Variants in KCNH8 observed in about 807,000 individuals in gnomAD.
KCNH8 encodes voltage-gated delayed rectifier potassium channel KCNH8.
Under a neutral mutation model 103.6 loss-of-function variants are expected in KCNH8, and 70 were observed. That is an observed-to-expected ratio of 0.68 (90% CI 0.56 to 0.82). The LOEUF (loss-of-function observed/expected upper bound fraction) is 0.82, where lower values mean the gene tolerates loss of function less well. Among genes scored for constraint, KCNH8 ranks in the 40% least tolerant of loss-of-function variants. The pLI, the probability that KCNH8 is intolerant of heterozygous loss-of-function variation, is 0.00. For missense variants in KCNH8, 1,217 were observed against 1,329.9 expected (o/e 0.92, Z 1.32); for synonymous variants, 498 against 489.4 (o/e 1.02, Z -0.23).
chr3:19,485,672 G>A (rs1054532371), intron 11 of KCNH8, among the ~76,000 whole-genome samples: 7 of 152,156 alleles, frequency 4.6e-5, no homozygotes, highest in Non-Finnish European at 1.0e-4. Context: ...GTAGGTACCA[G>A]GTCAGGTGTT....
At chr3:19,274,885 C>T (rs1451499631) in intron 2 of KCNH8, among the ~76,000 whole-genome samples, 1 of 110,234 alleles carries the variant, frequency 9.1e-6, no homozygotes. Context: ...CCACCCCTCC[C>T]CTCCCCTTCC....
In KCNH8 at chr3:19,422,782, G is replaced by A. The variant is rs113198925; in HGVS notation, c.1178-15382G>A. ...TAATCCCTATGTTCACAAAGCAGTC[G>A]GCCTAGTATTACCTATAGGCAGATA... On this transcript the variant is annotated intron_variant, in intron 7 of 15. Coordinates refer to ENST00000328405, the MANE Select transcript of KCNH8 (RefSeq NM_144633.3). 7.6e-4 allele frequency among the ~76,000 whole-genome samples: 115 copies of A among 152,108 alleles called. 2 individuals are homozygous for A. The highest frequency in any genetic ancestry group is 2.5e-3 in the African/African-American group (105 of 41,524).
At position 19,498,461 on chromosome 3, in the gene KCNH8, C is replaced by T. The variant is rs138013610; in HGVS notation, c.2041-11902C>T. ...ATGGTGGTAATGAATTCCCTCAGCG[C>T]TGACTTGTCTCAAAAGGATCTTATT... On this transcript the variant is annotated intron_variant, in intron 11 of 15. Coordinates refer to ENST00000328405, the MANE Select transcript of KCNH8 (RefSeq NM_144633.3). Among the ~76,000 whole-genome samples the T allele has an allele frequency of 7.7e-3, 1,173 of 152,202 alleles. 15 individuals are homozygous for T. Among genetic ancestry groups the T allele is most frequent in the South Asian group, 0.02 (94 of 4,794 alleles).
At chr3:19,361,253 G>A (rs1044746651) in intron 5 of KCNH8, among the ~76,000 whole-genome samples, 4 of 151,978 alleles carry the variant, frequency 2.6e-5, no homozygotes, top group Admixed American at 2.0e-4. Context: ...TAGAATCATG[G>A]ATTTTTTTCT....
intron 7 of KCNH8, among the ~76,000 whole-genome samples, chr3:19,395,726 G>T (rs898399951): frequency 6.6e-6 from 1 of 152,028 alleles, no homozygotes; most frequent in African/African-American, 2.4e-5. Context: ...CGTATTAATA[G>T]AGAAGATATC....
intron 7 of KCNH8, among the ~76,000 whole-genome samples, chr3:19,418,974 G>A (rs1048841550): frequency 7.2e-5 from 11 of 151,936 alleles, no homozygotes; most frequent in Admixed American, 6.6e-5. Flanking sequence ...AATTTCCACC[G>A]GAATACATTC....
rs533358261 is a variant in KCNH8 at position 19,462,318 on chromosome 3, T to C, written c.2040+5336T>C. 2.6e-5 allele frequency among the ~76,000 whole-genome samples: 4 copies of C among 152,358 alleles called. No homozygotes were observed. The South Asian group carries it at 8.3e-4, about 32-fold the overall frequency. On this transcript the variant is annotated intron_variant, in intron 11 of 15. Transcript: ENST00000328405. ...TCCAACATCTGTTGTTTCCTGACTT[T>C]TTAATGATTGCCATTCTAACTGGTG...
chr3:19,412,583 A>G (rs902508277), intron 7 of KCNH8, among the ~76,000 whole-genome samples: 1 of 152,104 alleles, frequency 6.6e-6, no homozygotes, highest in Non-Finnish European at 1.5e-5. Context: ...AGAAACTACC[A>G]ACAGAATAAA....
At chr3:19,413,159 T>C (rs902315669) in intron 7 of KCNH8, among the ~76,000 whole-genome samples, 1 of 140,430 alleles carries the variant, frequency 7.1e-6, no homozygotes, top group African/African-American at 2.7e-5. Context: ...GAAAATGTAG[T>C]AAATAAGCAC....
intron 2 of KCNH8, among the ~76,000 whole-genome samples, chr3:19,269,515 G>A (rs1049454828): frequency 3.3e-5 from 5 of 152,064 alleles, no homozygotes; most frequent in Non-Finnish European, 7.4e-5. Context: ...GTTACACTCT[G>A]TATAATGTCT....
intron 11 of KCNH8, among the ~76,000 whole-genome samples, chr3:19,462,489 T>G (rs1224725214): frequency 2.0e-5 from 3 of 151,772 alleles, no homozygotes; most frequent in Non-Finnish European, 4.4e-5. Context: ...GATGGGGTTG[T>G]TTGTTTTTTT....
intron 15 of KCNH8, among the ~76,000 whole-genome samples, chr3:19,529,760 A>G (rs2069128451): frequency 6.6e-6 from 1 of 152,150 alleles, no homozygotes; most frequent in South Asian, 2.1e-4. Context: ...TGGTAAAAAG[A>G]GAGATCCCTT....
chr3:19,332,141 A>G (rs1289737000), intron 3 of KCNH8, among the ~76,000 whole-genome samples: 1 of 151,246 alleles, frequency 6.6e-6, no homozygotes, highest in Non-Finnish European at 1.5e-5. Context: ...GGGCAGTTTC[A>G]GGTTCACTTA....
chr3:19,460,435 A>C lies in KCNH8; in HGVS notation c.2040+3453A>C, dbSNP rs2067604665. Among the ~76,000 whole-genome samples the C allele has an allele frequency of 2.0e-5, 3 of 152,258 alleles. No homozygotes were observed. In the South Asian group the frequency reaches 6.2e-4, roughly 32 times the overall value. ...AAGTTAGGAGTTGGCTAATGCCTTAAAGGGAACATCAATGCAGTTTACTTC... is the reference window on the plus strand; with the variant it reads ...AAGTTAGGAGTTGGCTAATGCCTTACAGGGAACATCAATGCAGTTTACTTC... On this transcript the variant is annotated intron_variant, in intron 11 of 15. Coordinates refer to ENST00000328405, the MANE Select transcript of KCNH8 (RefSeq NM_144633.3).
In KCNH8 at chr3:19,488,311, G is replaced by A. The variant is rs149401448; in HGVS notation, c.2041-22052G>A. ...TTGGGGGAATTCCCTTAATGGCCGC[G>A]GCCAGTAAGTTGGCGTTTCCGCCTG... On this transcript the variant is annotated intron_variant, in intron 11 of 15. Transcript: ENST00000328405. Among the ~76,000 whole-genome samples, 228 of 152,254 alleles carry A rather than the reference G, an allele frequency of 1.5e-3. 2 individuals carry two copies. Among genetic ancestry groups the A allele is most frequent in the African/African-American group, 5.1e-3 (212 of 41,552 alleles).
At chr3:19,514,925 G>A (rs2068847698) in intron 13 of KCNH8, among the ~76,000 whole-genome samples, 1 of 151,364 alleles carries the variant, frequency 6.6e-6, no homozygotes, top group Non-Finnish European at 1.5e-5. Flanking sequence ...AAAATTGTGA[G>A]CTACATATAT....
intron 1 of KCNH8, among the ~76,000 whole-genome samples, chr3:19,177,131 AACAAAAAGC>A (rs1376089789): frequency 3.0e-4 from 45 of 152,146 alleles, no homozygotes; most frequent in African/African-American, 1.0e-3. Flanking sequence ...GAAAATTATC[AACAAAAAGC>A]ACAAAAATGC....
intron 3 of KCNH8, among the ~76,000 whole-genome samples, chr3:19,315,582 G>A (rs2065263036): frequency 6.6e-6 from 1 of 151,926 alleles, no homozygotes; most frequent in East Asian, 1.9e-4. Flanking sequence ...GATATCCTTT[G>A]TAGATCTATT....
chr3:19,452,729 C>T (rs1055826915), intron 10 of KCNH8, among the ~76,000 whole-genome samples: 6 of 152,138 alleles, frequency 3.9e-5, no homozygotes, highest in Non-Finnish European at 5.9e-5. Flanking sequence ...GCAAAGTGTG[C>T]TCACACACAA....
Sources: allele counts gnomAD v4.1 joint callset (sites outside exome capture counted in the v4.1 genomes callset), GRCh38; gene constraint gnomAD v4.1.1; transcripts MANE v1.5; gene names NCBI Gene and HGNC (gene_info 2026-07-23, HGNC 2026-07-21).